ZAP70: variants seen among roughly 807,000 people sequenced by gnomAD.
ZAP70 encodes the protein tyrosine-protein kinase ZAP-70.
Under a neutral mutation model 65.8 loss-of-function variants are expected in ZAP70, and 27 were observed. The ratio of observed to expected loss-of-function variants is 0.41; its 90% CI spans 0.30 to 0.57. ZAP70 has a LOEUF of 0.57. Ranked by LOEUF, ZAP70 falls within the 20% of genes least tolerant of loss-of-function variation. ZAP70 has a pLI of 0.28. For missense variants in ZAP70, 696 were observed against 870.5 expected (o/e 0.80, Z 2.52); for synonymous variants, 363 against 360.8 (o/e 1.01, Z -0.07).
chr2:97,714,193 C>A (rs56009038), intron 2 of ZAP70, among the ~76,000 whole-genome samples, 199 bp downstream of exon 2: 17 of 152,318 alleles, frequency 1.1e-4, no homozygotes, highest in Non-Finnish European at 2.2e-4. Context: ...GCAGCTCCCC[C>A]TCCAGAGGCT....
chr2:97,734,801 C>A, intron 9 of ZAP70, 89 bp downstream of exon 9: 1 of 1,535,388 alleles, frequency 6.5e-7, no homozygotes, highest in South Asian at 1.1e-5. Context: ...GCCGGGATGT[C>A]TGTCTCACAG....
rs1677590903 is a variant in ZAP70 at position 97,731,224 on chromosome 2, G to C, written c.564-1659G>C. 6.6e-6 allele frequency among the ~76,000 whole-genome samples: 1 copy of C among 152,128 alleles called. No individual in the cohort carries two copies. Among genetic ancestry groups the C allele is most frequent in the Non-Finnish European group, 1.5e-5 (1 of 68,024 alleles). On this transcript the variant is annotated intron_variant, in intron 4 of 13. Transcript: ENST00000264972. This position sits in a 1 kb window ranked among gnomAD's most constrained non-coding sequence, Gnocchi z 4.0. The stretch of plus-strand genomic sequence containing the variant: ...CCTGGAGACCATCACCTCCAGGCCA[G>C]CCTGCCACCTGCCTCTGACTTCCAC...
the ZAP70 span, among the ~76,000 whole-genome samples, chr2:97,745,581 A>G: frequency 1.3e-5 from 2 of 152,240 alleles, no homozygotes; most frequent in African/African-American, 4.8e-5. Flanking sequence ...TTCATTAATC[A>G]TAAGAGAAAT....
Position 97,725,218 on chromosome 2 carries a change from C to G in ZAP70, c.529C>G (p.Leu177Val). 1 of 1,614,122 alleles carries G rather than the reference C, an allele frequency of 6.2e-7. No homozygotes were observed. The highest frequency in any genetic ancestry group is 8.5e-7 in the Non-Finnish European group (1 of 1,179,954). Reference sequence around the variant, plus strand: ...GACGCGTGAGGAGGCCGAGCGCAAACTTTACTCTGGGGCGCAGACCGACGG... The same window carrying G: ...GACGCGTGAGGAGGCCGAGCGCAAAGTTTACTCTGGGGCGCAGACCGACGG... ...SLTREEAERK[L>V]YSGAQTDGKF... The change falls in exon 4 of 14, where the codon CTT becomes GTT. Residue 177 changes from leucine (L) to valine (V), a missense_variant. Leu to Val is a conservative substitution (Grantham distance 32). Around this residue, in one of 3 missense-constraint regions of ZAP70, gnomAD observed 551 missense variants for 630.0 expected, o/e 0.87. Coordinates refer to ENST00000264972, the MANE Select transcript of ZAP70 (RefSeq NM_001079.4).
chr2:97,752,628 C>T, the ZAP70 span, among the ~76,000 whole-genome samples: 1 of 152,184 alleles, frequency 6.6e-6, no homozygotes, highest in African/African-American at 2.4e-5. Flanking sequence ...TTTGAATGAC[C>T]TTTTACTATT....
the ZAP70 span, among the ~76,000 whole-genome samples, chr2:97,747,815 G>GTTTTTTTTTTTTTTTTTTTTTTT: frequency 3.7e-5 from 2 of 54,746 alleles, no homozygotes; most frequent in African/African-American, 1.8e-4. Flanking sequence ...CTGGCACGAG[G>GTTTTTTTTTTTTTTTTTTTTTTT]TTTTTTTTTT....
Position 97,727,337 on chromosome 2 carries a change from G to T in ZAP70, c.563+2085G>T, listed in dbSNP as rs553187843. On this transcript the variant is annotated intron_variant, in intron 4 of 13. Coordinates refer to ENST00000264972, the MANE Select transcript of ZAP70 (RefSeq NM_001079.4). ...TATGGGCATTGTGAACATGGGTGTT[G>T]GGGGCTGTCTCTCTTTCCTTTTGGA... 5.2e-4 allele frequency among the ~76,000 whole-genome samples: 79 copies of T among 152,350 alleles called. 1 individual carries two copies. Among genetic ancestry groups the T allele is most frequent in the African/African-American group, 1.8e-3 (75 of 41,588 alleles).
At chr2:97,751,226 A>T in the ZAP70 span, among the ~76,000 whole-genome samples, 1 of 152,234 alleles carries the variant, frequency 6.6e-6, no homozygotes, top group East Asian at 1.9e-4. Flanking sequence ...ATATTATTAT[A>T]ATAGCAATAA....
chr2:97,746,498 C>A, the ZAP70 span, among the ~76,000 whole-genome samples: 6 of 152,204 alleles, frequency 3.9e-5, no homozygotes, highest in African/African-American at 1.4e-4. Flanking sequence ...TAAGTTTTGG[C>A]TTCAGCAAGG....
chr2:97,719,508 G>C (rs1677077021), intron 2 of ZAP70, among the ~76,000 whole-genome samples: 1 of 150,374 alleles, frequency 6.7e-6, no homozygotes, highest in African/African-American at 2.5e-5. Flanking sequence ...TGCTTGTCTG[G>C]TGCCTACAGA....
At chr2:97,755,754 C>T in the ZAP70 span, among the ~76,000 whole-genome samples, 4 of 152,324 alleles carry the variant, frequency 2.6e-5, no homozygotes, top group East Asian at 1.9e-4. Context: ...CTCTGTGCCC[C>T]GCTTCTCTCC....
intron 4 of ZAP70, 81 bp from the exon 5 acceptor site, chr2:97,732,802 G>A (rs1677663362): frequency 6.3e-7 from 1 of 1,589,250 alleles, no homozygotes; most frequent in Non-Finnish European, 8.6e-7. Flanking sequence ...GAGCCCATAG[G>A]GTGTGTTGCG....
At chr2:97,725,395 T>A (rs1686599925) in intron 4 of ZAP70, 143 bp downstream of exon 4, 1 of 1,041,142 alleles carries the variant, frequency 9.6e-7, no homozygotes, top group Non-Finnish European at 1.4e-6. Flanking sequence ...GTGTTTCTGA[T>A]GTGCAAAGGG....
At chr2:97,742,522 T>TA (rs1261371806), downstream of ZAP70, among the ~76,000 whole-genome samples, 1 of 152,260 alleles carries the variant, frequency 6.6e-6, no homozygotes, top group East Asian at 1.9e-4. Flanking sequence ...TGGGTGAGGA[T>TA]ATGGTGAATC....
the ZAP70 span, among the ~76,000 whole-genome samples, chr2:97,751,084 G>T: frequency 5.9e-5 from 9 of 152,222 alleles, no homozygotes; most frequent in African/African-American, 2.2e-4. Context: ...GATTACTGGA[G>T]ACGTGGGTGT....
At chr2:97,745,554 A>G in the ZAP70 span, among the ~76,000 whole-genome samples, 1 of 152,246 alleles carries the variant, frequency 6.6e-6, no homozygotes, top group African/African-American at 2.4e-5. Flanking sequence ...TGGTTAACAA[A>G]CACATGAAAT....
downstream of ZAP70, among the ~76,000 whole-genome samples, chr2:97,743,812 G>C (rs556881092): frequency 2.0e-5 from 3 of 152,164 alleles, no homozygotes; most frequent in Non-Finnish European, 2.9e-5. Flanking sequence ...TGTCTCTTCA[G>C]AATATTTCTT....
intron 10 of ZAP70, among the ~76,000 whole-genome samples, chr2:97,735,841 G>A (rs35760941): frequency 0.15 from 23,410 of 152,084 alleles, 2,441 homozygotes; most frequent in Middle Eastern, 0.24. Context: ...GTGAAACCCC[G>A]TCCTTACTAA....
downstream of ZAP70, among the ~76,000 whole-genome samples, chr2:97,742,968 C>CGGA (rs1678165847): frequency 6.6e-6 from 1 of 152,224 alleles, no homozygotes; most frequent in Non-Finnish European, 1.5e-5. Context: ...AGGTTGTTAG[C>CGGA]TCTCCATCTT....
Sources: gnomAD v4.1 joint callset for allele counts (sites outside exome capture counted in the v4.1 genomes callset) on GRCh38, gnomAD v4.1.1 for gene constraint, gnomAD v4.1.1 regional missense constraint, Gnocchi (gnomAD v3.1) non-coding constraint, MANE v1.5 for transcripts, NCBI Gene and HGNC (gene_info 2026-07-23, HGNC 2026-07-21) for gene names.